UNC5C: variants seen among roughly 807,000 people sequenced by gnomAD.
UNC5C encodes the protein netrin receptor UNC5C.
In UNC5C, 47 loss-of-function variants were observed where a neutral mutation model predicts 99.8. That is an observed-to-expected ratio of 0.47 (90% CI 0.37 to 0.60). The LOEUF (loss-of-function observed/expected upper bound fraction) is 0.60. UNC5C is among the 20% of genes least tolerant of loss of function. The pLI, the probability that UNC5C is intolerant of heterozygous loss-of-function variation, is 0.00. For missense variants in UNC5C, 1,062 were observed against 1,165.9 expected (o/e 0.91, Z 1.30); for synonymous variants, 487 against 452.2 (o/e 1.08, Z -0.98).
intron 5 of UNC5C, chr4:95,248,627 G>C (rs1056121708): frequency 2.2e-6 from 1 of 449,840 alleles, no homozygotes; most frequent in Non-Finnish European, 4.4e-6. Context: ...CTTTAATGCA[G>C]AAAATAGTCA....
chr4:95,244,504 T>A (rs989640820), intron 6 of UNC5C, among the ~76,000 whole-genome samples: 3 of 152,176 alleles, frequency 2.0e-5, no homozygotes, highest in Non-Finnish European at 2.9e-5. Context: ...AACTTTGCAT[T>A]CCTTATAATT....
At chr4:95,425,241 T>A (rs2149458056) in intron 1 of UNC5C, among the ~76,000 whole-genome samples, 1 of 152,374 alleles carries the variant, frequency 6.6e-6, no homozygotes, top group East Asian at 1.9e-4. Context: ...ACACAAATTC[T>A]TCTAATGAAG....
At chr4:95,182,618 T>A (rs1010069859) in intron 14 of UNC5C, among the ~76,000 whole-genome samples, 4 of 152,152 alleles carry the variant, frequency 2.6e-5, no homozygotes, top group African/African-American at 7.2e-5. Context: ...TTACTTGAAA[T>A]TCAGATCTGT....
In UNC5C at chr4:95,427,038, TAG is replaced by T. The variant is rs1746506492; in HGVS notation, c.125-91409_125-91408del. ...AGATGCCATGTAGGACTTTCATAGCTAGAGAGGAGAAGTGATCCTTATGAATG... is the reference window on the plus strand; with the variant it reads ...AGATGCCATGTAGGACTTTCATAGCTAGAGGAGAAGTGATCCTTATGAATG... On this transcript the variant is annotated intron_variant, in intron 1 of 15. Coordinates refer to ENST00000453304, the MANE Select transcript of UNC5C (RefSeq NM_003728.4). Among the ~76,000 whole-genome samples the T allele has an allele frequency of 2.0e-5, 3 of 152,274 alleles. No homozygotes were observed. The East Asian group carries it at 5.8e-4, about 29-fold the overall frequency.
intron 1 of UNC5C, among the ~76,000 whole-genome samples, chr4:95,543,534 TTA>T (rs1722970778): frequency 1.3e-5 from 2 of 152,222 alleles, no homozygotes; most frequent in African/African-American, 4.8e-5. Flanking sequence ...TGACCTATTT[TTA>T]TGTTTATTTT....
intron 1 of UNC5C, among the ~76,000 whole-genome samples, chr4:95,468,889 G>T (rs1747879879): frequency 6.6e-6 from 1 of 152,094 alleles, no homozygotes; most frequent in South Asian, 2.1e-4. Context: ...TTTTGGCAAG[G>T]TACTTCCTGA....
At chr4:95,305,032 G>C (rs1020173394) in intron 2 of UNC5C, among the ~76,000 whole-genome samples, 1 of 152,168 alleles carries the variant, frequency 6.6e-6, no homozygotes, top group Non-Finnish European at 1.5e-5. Context: ...TTCATAGTCT[G>C]AATGCTCTGA....
rs760696053 is a variant in UNC5C at position 95,354,480 on chromosome 4, T to TATA, written c.125-18850_125-18849insTAT. 5.9e-4 allele frequency among the ~76,000 whole-genome samples: 62 copies of TATA among 105,634 alleles called. No individual in the cohort carries two copies. The South Asian group carries it at 0.015, about 26-fold the overall frequency. The allele number at this position is 105,634 out of a possible 152,430, so 69.3% of individuals were successfully genotyped here. On this transcript the variant is annotated intron_variant, in intron 1 of 15. Transcript: ENST00000453304. ...TACCTAACTCTTCCATATATATATATTTTTTTTTTTTTTTTAAGAGACAGG... is the reference window on the plus strand; with the variant it reads ...TACCTAACTCTTCCATATATATATATATATTTTTTTTTTTTTTTAAGAGACAGG...
intron 1 of UNC5C, among the ~76,000 whole-genome samples, chr4:95,437,081 G>A (rs1337423925): frequency 1.3e-5 from 2 of 148,782 alleles, no homozygotes; most frequent in South Asian, 2.1e-4. Context: ...ACCTGACAGA[G>A]CAAATCCAAA....
intron 4 of UNC5C, among the ~76,000 whole-genome samples, chr4:95,270,702 CCAA>C (rs1740626509): frequency 6.6e-6 from 1 of 152,090 alleles, no homozygotes; most frequent in Non-Finnish European, 1.5e-5. Context: ...TGAACTAATA[CCAA>C]CAACAACCAA....
At chr4:95,478,051 C>T (rs890298419) in intron 1 of UNC5C, among the ~76,000 whole-genome samples, 4 of 151,930 alleles carry the variant, frequency 2.6e-5, no homozygotes, top group African/African-American at 9.7e-5. Flanking sequence ...TTGTTATTAT[C>T]AATATTATTA....
chr4:95,490,349 A>G (rs1216187856), intron 1 of UNC5C, among the ~76,000 whole-genome samples: 5 of 151,780 alleles, frequency 3.3e-5, no homozygotes, highest in South Asian at 2.1e-4. Context: ...TAAAGTTCAT[A>G]GTAAAATAAG....
chr4:95,280,259 C>T (rs1741008333), intron 3 of UNC5C, among the ~76,000 whole-genome samples: 1 of 152,156 alleles, frequency 6.6e-6, no homozygotes, highest in African/African-American at 2.4e-5. Flanking sequence ...AGAAAACCCT[C>T]AAGATTATAA....
chr4:95,369,394 A>G (rs1239165145), intron 1 of UNC5C, among the ~76,000 whole-genome samples: 1 of 151,584 alleles, frequency 6.6e-6, no homozygotes, highest in Non-Finnish European at 1.5e-5. Flanking sequence ...CTACAAAAAA[A>G]TATAAAAATT....
At chr4:95,171,592 T>C (rs983045204) in intron 14 of UNC5C, among the ~76,000 whole-genome samples, 1 of 152,170 alleles carries the variant, frequency 6.6e-6, no homozygotes, top group African/African-American at 2.4e-5. Context: ...GGCTGCATAG[T>C]ATTCCATGGT....
At chr4:95,340,888 A>G (rs1051245717) in intron 1 of UNC5C, among the ~76,000 whole-genome samples, 8 of 152,110 alleles carry the variant, frequency 5.3e-5, no homozygotes, top group African/African-American at 1.9e-4. Flanking sequence ...GTATTCTTAG[A>G]AGACATTTTC....
intron 1 of UNC5C, among the ~76,000 whole-genome samples, chr4:95,491,101 T>C (rs968124755): frequency 2.0e-5 from 3 of 151,444 alleles, no homozygotes; most frequent in African/African-American, 7.3e-5. Context: ...ATTGCCCCCT[T>C]CTAAAATAAA....
chr4:95,267,090 A>G (rs961165438), intron 4 of UNC5C, among the ~76,000 whole-genome samples: 5 of 152,160 alleles, frequency 3.3e-5, no homozygotes, highest in Non-Finnish European at 7.3e-5. Context: ...AATTTTTCTC[A>G]TGGTTTGCTA....
intron 7 of UNC5C, among the ~76,000 whole-genome samples, chr4:95,240,734 C>T (rs1030561132): frequency 6.6e-6 from 1 of 152,152 alleles, no homozygotes; most frequent in African/African-American, 2.4e-5. Context: ...TGGCAAATAT[C>T]CAATCATAAG....
Sources: allele counts gnomAD v4.1 joint callset (sites outside exome capture counted in the v4.1 genomes callset), GRCh38; gene constraint gnomAD v4.1.1; transcripts MANE v1.5; gene names NCBI Gene and HGNC (gene_info 2026-07-23, HGNC 2026-07-21).